RASAL2: variants seen among roughly 807,000 people sequenced by gnomAD.
The protein encoded by RASAL2 is RAS protein activator like 2.
A neutral mutation model predicts 128.9 loss-of-function variants in RASAL2; 58 were observed. The ratio of observed to expected loss-of-function variants is 0.45; its 90% CI spans 0.36 to 0.56. RASAL2 has a LOEUF of 0.56. RASAL2 is among the 20% of genes least tolerant of loss of function. The pLI is 0.00. For synonymous variants in RASAL2, 561 were observed against 580.8 expected (o/e 0.97, Z 0.49); for missense variants, 1,360 against 1,601.6 (o/e 0.85, Z 2.57).
chr1:178,392,188 A>G (rs963862940), intron 4 of RASAL2, among the ~76,000 whole-genome samples: 1 of 152,234 alleles, frequency 6.6e-6, no homozygotes, highest in Non-Finnish European at 1.5e-5. Context: ...GACCAGATTC[A>G]TAAAGAGATA....
At chr1:178,299,812 G>A (rs1173016921) in intron 2 of RASAL2, among the ~76,000 whole-genome samples, 180 bp from the exon 3 acceptor site, 1 of 152,006 alleles carries the variant, frequency 6.6e-6, no homozygotes, top group African/African-American at 2.4e-5. Context: ...CTTTTTAAAG[G>A]AAAGCTTACT....
At chr1:178,287,658 C>G (rs144749084) in intron 2 of RASAL2, among the ~76,000 whole-genome samples, 67 of 152,174 alleles carry the variant, frequency 4.4e-4, no homozygotes, top group African/African-American at 1.5e-3. Context: ...GAATACTACT[C>G]AGCCATAAAA....
intron 3 of RASAL2, chr1:178,341,471 C>T (rs1024936085): frequency 2.0e-5 from 30 of 1,528,796 alleles, no homozygotes; most frequent in African/African-American, 1.1e-4. Context: ...GTCTGAGGCA[C>T]GAAATGAGAG....
intron 14 of RASAL2, among the ~76,000 whole-genome samples, chr1:178,461,325 A>G (rs1351984323): frequency 6.6e-6 from 1 of 152,182 alleles, no homozygotes; most frequent in Non-Finnish European, 1.5e-5. Flanking sequence ...GCTTTGTCCC[A>G]TGCAAATTCC....
intron 1 of RASAL2, among the ~76,000 whole-genome samples, chr1:178,142,016 A>C (rs969823082): frequency 6.6e-6 from 1 of 152,116 alleles, no homozygotes; most frequent in African/African-American, 2.4e-5. Context: ...AGGTGCAGTG[A>C]GAGTGAAAGG....
At chr1:178,368,742 A>T (rs544370497) in intron 3 of RASAL2, among the ~76,000 whole-genome samples, 2 of 151,918 alleles carry the variant, frequency 1.3e-5, no homozygotes, top group South Asian at 2.1e-4. Flanking sequence ...GGCTCAAGCG[A>T]TCCCCCTGCC....
chr1:178,476,120 T>C lies in RASAL2; in HGVS notation c.*2881T>C, dbSNP rs921293633. On this transcript the variant is annotated 3_prime_UTR_variant, in exon 18 of 18. Transcript: ENST00000367649. ...AGAGGCAAATAGATTAAGATAGCAA[T>C]GTCTTGCACTTCCTGTTTCCCTCAA... 6.6e-6 allele frequency: 1 copy of C among 152,204 alleles called. No homozygotes were observed. Among genetic ancestry groups the C allele is most frequent in the Non-Finnish European group, 1.5e-5 (1 of 68,038 alleles). The allele number at this position is 152,204 out of a possible 1,614,324, so 9.4% of individuals were successfully genotyped here.
intron 1 of RASAL2, among the ~76,000 whole-genome samples, chr1:178,197,526 T>A (rs934999312): frequency 6.6e-6 from 1 of 151,388 alleles, no homozygotes; most frequent in South Asian, 2.1e-4. Context: ...GGAGAATTGC[T>A]TGAACCCAGG....
intron 1 of RASAL2, among the ~76,000 whole-genome samples, chr1:178,115,426 G>A (rs1659490285): frequency 6.6e-6 from 1 of 152,172 alleles, no homozygotes. Context: ...TGGGAGAGTA[G>A]GAAAGACCTT....
intron 4 of RASAL2, among the ~76,000 whole-genome samples, chr1:178,391,572 A>G (rs962465961): frequency 5.3e-5 from 8 of 152,236 alleles, no homozygotes; most frequent in Non-Finnish European, 1.2e-4. Context: ...CATCACTTAA[A>G]TATATTGCTG....
chr1:178,238,055 A>C (rs953217552), intron 1 of RASAL2, among the ~76,000 whole-genome samples: 1 of 152,192 alleles, frequency 6.6e-6, no homozygotes, highest in Non-Finnish European at 1.5e-5. Context: ...CATTACACCA[A>C]ATACCTATTA....
intron 3 of RASAL2, among the ~76,000 whole-genome samples, chr1:178,305,732 A>C (rs1394528234): frequency 2.6e-5 from 4 of 152,204 alleles, no homozygotes; most frequent in African/African-American, 4.8e-5. Context: ...ATTTGGAAAT[A>C]AAGGGGAAGG....
intron 2 of RASAL2, among the ~76,000 whole-genome samples, chr1:178,285,810 T>G (rs1667000986): frequency 6.6e-6 from 1 of 152,176 alleles, no homozygotes; most frequent in African/African-American, 2.4e-5. Context: ...TTACCTACAT[T>G]TTATTCAATT....
chr1:178,309,295 T>C (rs2102297068), intron 3 of RASAL2, among the ~76,000 whole-genome samples: 1 of 152,324 alleles, frequency 6.6e-6, no homozygotes, highest in Middle Eastern at 3.4e-3. Flanking sequence ...ATAAGATTAT[T>C]TGACTACTGT....
intron 1 of RASAL2, among the ~76,000 whole-genome samples, chr1:178,237,091 C>T (rs1664285484): frequency 6.6e-6 from 1 of 151,996 alleles, no homozygotes; most frequent in African/African-American, 2.4e-5. Context: ...TGCATTTTAT[C>T]TGGTTTAATC....
intron 2 of RASAL2, 110 bp from the exon 3 acceptor site, chr1:178,299,882 T>G: frequency 9.2e-7 from 1 of 1,092,332 alleles, no homozygotes; most frequent in Non-Finnish European, 1.3e-6. Flanking sequence ...TTCTCCTGCC[T>G]TACTCTTTGT....
intron 3 of RASAL2, among the ~76,000 whole-genome samples, chr1:178,318,365 G>A (rs1166060768): frequency 5.8e-4 from 87 of 150,272 alleles, no homozygotes; most frequent in African/African-American, 2.1e-3. Flanking sequence ...TTTCTGTCTC[G>A]TTGATCTGTC....
chr1:178,215,722 G>C (rs981321426), intron 1 of RASAL2, among the ~76,000 whole-genome samples: 19 of 152,086 alleles, frequency 1.2e-4, no homozygotes, highest in Admixed American at 1.1e-3. Context: ...TGTTTATTTT[G>C]TTTAAATATG....
chr1:178,378,244 A>G (rs1672099597), intron 3 of RASAL2, among the ~76,000 whole-genome samples: 2 of 152,000 alleles, frequency 1.3e-5, no homozygotes, highest in African/African-American at 4.8e-5. Context: ...GAAATAGAAT[A>G]AGACTATCAA....
Sources: allele counts gnomAD v4.1 joint callset (sites outside exome capture counted in the v4.1 genomes callset), GRCh38; gene constraint gnomAD v4.1.1; transcripts MANE v1.5; gene names NCBI Gene and HGNC (gene_info 2026-07-23, HGNC 2026-07-21).